ADAMTS18: variants seen among roughly 807,000 people sequenced by gnomAD.
ADAMTS18 encodes the protein A disintegrin and metalloproteinase with thrombospondin motifs 18.
Under a neutral mutation model 165.9 loss-of-function variants are expected in ADAMTS18, and 157 were observed. The observed-to-expected ratio is 0.95, with a 90% CI of 0.83 to 1.08. ADAMTS18 has a LOEUF of 1.08. Ranked by LOEUF, ADAMTS18 falls within the 50% of genes least tolerant of loss-of-function variation. The pLI is 0.00. For synonymous variants in ADAMTS18, 782 were observed against 578.2 expected, an observed-to-expected ratio of 1.35 and a Z score of -5.06; for missense variants, 2,040 against 1,534.0, an observed-to-expected ratio of 1.33 and a Z score of -5.51.
intron 21 of ADAMTS18, among the ~76,000 whole-genome samples, chr16:77,290,224 T>C (rs1483656702): frequency 6.6e-6 from 1 of 152,178 alleles, no homozygotes; most frequent in African/African-American, 2.4e-5. Flanking sequence ...TAGTAAATAT[T>C]TCAGGCTGTA....
intron 2 of ADAMTS18, among the ~76,000 whole-genome samples, chr16:77,432,775 A>G (rs1167838110): frequency 6.6e-6 from 1 of 151,992 alleles, no homozygotes; most frequent in African/African-American, 2.4e-5. Flanking sequence ...TCCAATAAAA[A>G]AAAAAAAACT....
At chr16:77,399,608 G>A (rs2057300641) in intron 3 of ADAMTS18, among the ~76,000 whole-genome samples, 1 of 152,156 alleles carries the variant, frequency 6.6e-6, no homozygotes, top group Non-Finnish European at 1.5e-5. Context: ...ACCTTTTGCT[G>A]TTTCAATCGA....
intron 3 of ADAMTS18, among the ~76,000 whole-genome samples, chr16:77,373,634 G>T (rs989171915): frequency 2.0e-5 from 3 of 151,862 alleles, no homozygotes; most frequent in Admixed American, 6.6e-5. Flanking sequence ...GGTGGTGATG[G>T]GTGCACCAAA....
chr16:77,319,821 G>A (rs1424689469), intron 16 of ADAMTS18, 28 bp downstream of exon 16: 6 of 1,613,754 alleles, frequency 3.7e-6, no homozygotes, highest in Admixed American at 3.3e-5. Flanking sequence ...AAGAAGCACT[G>A]AGAACTGAAT....
At chr16:77,291,164 TACTTAGACAACCATTA>T in intron 21 of ADAMTS18, 86 bp downstream of exon 21, 2 of 1,332,150 alleles carry the variant, frequency 1.5e-6, no homozygotes, top group East Asian at 4.8e-5. Flanking sequence ...TAGTTGTTTT[TACTTAGACAACCATTA>T]ACAGACTAAG....
chr16:77,416,952 A>G (rs906928739), intron 3 of ADAMTS18, among the ~76,000 whole-genome samples: 1 of 152,204 alleles, frequency 6.6e-6, no homozygotes, highest in Non-Finnish European at 1.5e-5. Flanking sequence ...TGAAGTTTAC[A>G]TGGCCTTGAG....
intron 12 of ADAMTS18, among the ~76,000 whole-genome samples, chr16:77,331,348 C>G (rs1482877738): frequency 6.6e-6 from 1 of 152,062 alleles, no homozygotes; most frequent in Non-Finnish European, 1.5e-5. Flanking sequence ...AAAACCAGAT[C>G]CATGAACTAT....
chr16:77,343,092 G>GA (rs2056423789), intron 10 of ADAMTS18, among the ~76,000 whole-genome samples: 1 of 140,414 alleles, frequency 7.1e-6, no homozygotes. Flanking sequence ...TTTTTTTTGA[G>GA]AGTGAGTTTC....
Position 77,283,846 on chromosome 16 carries a change from C to A in ADAMTS18, c.*110G>T. On this transcript the variant is annotated 3_prime_UTR_variant, in exon 23 of 23. Transcript: ENST00000282849. The stretch of plus-strand genomic sequence containing the variant: ...AGAGCAGGCTCCTTCATCACAGCGG[C>A]AGCTCACAGATGGTTCTCGGTGCTC... The A allele has an allele frequency of 1.2e-6, 1 of 829,542 alleles. No homozygotes were observed. Among genetic ancestry groups the A allele is most frequent in the South Asian group, 1.4e-5 (1 of 71,758 alleles). 51.4% of individuals were successfully genotyped at this position (829,542 alleles called of 1,614,324 possible). A position where few individuals can be genotyped will look rare whatever the true frequency, so the allele number is the denominator to read the frequency against.
In ADAMTS18 at chr16:77,322,480, G is replaced by C. The variant is rs762426753; in HGVS notation, c.2033-14C>G. ...ATCGATCTTCCTCTAGAAACAAAGA[G>C]ATCAAGATAGGAAATGGTCAAGAGG... On this transcript the variant is annotated splice_polypyrimidine_tract_variant and intron_variant, in intron 13 of 22. Coordinates refer to ENST00000282849, the MANE Select transcript of ADAMTS18 (RefSeq NM_199355.4). 5.6e-6 allele frequency: 9 copies of C among 1,613,658 alleles called. No individual in the cohort carries two copies. The South Asian group carries it at 9.9e-5, about 18-fold the overall frequency.
intron 16 of ADAMTS18, among the ~76,000 whole-genome samples, chr16:77,305,403 C>T (rs2055663489): frequency 6.6e-6 from 1 of 152,164 alleles, no homozygotes; most frequent in African/African-American, 2.4e-5. Flanking sequence ...CCCTCAAAAA[C>T]TGCTACATAA....
intron 16 of ADAMTS18, among the ~76,000 whole-genome samples, chr16:77,310,554 C>A (rs573846750): frequency 3.3e-5 from 5 of 152,180 alleles, no homozygotes; most frequent in African/African-American, 1.2e-4. Flanking sequence ...ATGGAATCCA[C>A]GTACCAATGC....
intron 11 of ADAMTS18, among the ~76,000 whole-genome samples, chr16:77,339,278 CTTA>C (rs1160827328): frequency 6.6e-6 from 1 of 152,076 alleles, no homozygotes; most frequent in Non-Finnish European, 1.5e-5. Flanking sequence ...ATGGATGGAA[CTTA>C]TTAAGATGCT....
chr16:77,358,966 T>C (rs933573368), intron 8 of ADAMTS18, among the ~76,000 whole-genome samples: 6 of 152,212 alleles, frequency 3.9e-5, no homozygotes, highest in African/African-American at 1.4e-4. Context: ...CATGCCATTA[T>C]ACTTTGGGAA....
At chr16:77,375,374 T>C (rs2056934612) in intron 3 of ADAMTS18, among the ~76,000 whole-genome samples, 1 of 150,322 alleles carries the variant, frequency 6.7e-6, no homozygotes, top group Non-Finnish European at 1.5e-5. Flanking sequence ...AGAGAGAGAG[T>C]CCATCTCAAA....
In ADAMTS18 at chr16:77,379,946, T is replaced by C. The variant is rs202041405; in HGVS notation, c.496-12223A>G. On this transcript the variant is annotated intron_variant, in intron 3 of 22. Transcript: ENST00000282849. ...AGTTGATTTGTCCAAGTAATCCTGA[T>C]CTCCAATCTTGGCATGCAGTGTCTA... Among the ~76,000 whole-genome samples, 15 of 152,260 alleles carry C rather than the reference T, an allele frequency of 9.9e-5. No homozygotes were observed. The East Asian group carries it at 2.9e-3, about 29-fold the overall frequency.
intron 10 of ADAMTS18, among the ~76,000 whole-genome samples, chr16:77,345,470 A>G (rs189385098): frequency 7.9e-5 from 12 of 152,242 alleles, no homozygotes; most frequent in African/African-American, 2.4e-4. Flanking sequence ...AATCTGAACA[A>G]TTATGGCCAC....
intron 10 of ADAMTS18, among the ~76,000 whole-genome samples, chr16:77,346,575 T>G (rs274539): frequency 0.5 from 76,363 of 151,894 alleles, 19,574 homozygotes; most frequent in Non-Finnish European, 0.53. Context: ...TGTGGCCACA[T>G]GACGAAAGTA....
chr16:77,339,777 C>G (rs1192933507), intron 11 of ADAMTS18, among the ~76,000 whole-genome samples: 1 of 152,076 alleles, frequency 6.6e-6, no homozygotes, highest in Admixed American at 6.6e-5. Context: ...TTGGGAATCC[C>G]TAAGACCACT....
Sources: gnomAD v4.1 joint callset for allele counts (sites outside exome capture counted in the v4.1 genomes callset) on GRCh38, gnomAD v4.1.1 for gene constraint, MANE v1.5 for transcripts, NCBI Gene and HGNC (gene_info 2026-07-23, HGNC 2026-07-21) for gene names.